CHUK: variants seen among roughly 807,000 people sequenced by gnomAD.
The protein encoded by CHUK is component of inhibitor of nuclear factor kappa B kinase complex.
In CHUK, 35 loss-of-function variants were observed where a neutral mutation model predicts 104.8. That is an observed-to-expected ratio of 0.33 (90% confidence interval 0.26 to 0.44). The LOEUF (loss-of-function observed/expected upper bound fraction) is 0.44, where lower values mean the gene tolerates loss of function less well. Among genes scored for constraint, CHUK ranks in the 20% least tolerant of loss-of-function variants. CHUK has a pLI of 1.00. For missense variants in CHUK, 663 were observed against 902.7 expected, an observed-to-expected ratio of 0.73 and a Z score of 3.40; for synonymous variants, 276 against 291.9, an observed-to-expected ratio of 0.95 and a Z score of 0.56.
intron 3 of CHUK, among the ~76,000 whole-genome samples, chr10:100,222,469 A>G (rs1846013449): frequency 6.6e-6 from 1 of 152,218 alleles, no homozygotes; most frequent in South Asian, 2.1e-4. Flanking sequence ...GGTAGAAAAA[A>G]AAGATTGCAA....
At chr10:100,186,333 G>T (rs542479246), downstream of CHUK, 4 of 319,338 alleles carry the variant, frequency 1.3e-5, no homozygotes, top group South Asian at 4.7e-4. Context: ...GTAGCTGTTC[G>T]GTTTATTTGT....
intron 16 of CHUK, among the ~76,000 whole-genome samples, chr10:100,197,672 A>G (rs1055471140): frequency 6.6e-6 from 1 of 152,156 alleles, no homozygotes; most frequent in African/African-American, 2.4e-5. Flanking sequence ...CTCCAGTCAT[A>G]CTGCATTTCC....
At chr10:100,199,273 C>CT (rs1258501086) in intron 16 of CHUK, among the ~76,000 whole-genome samples, 1 of 152,186 alleles carries the variant, frequency 6.6e-6, no homozygotes, top group African/African-American at 2.4e-5. Context: ...GGCCTTCCCT[C>CT]TAACCATTCC....
intron 9 of CHUK, among the ~76,000 whole-genome samples, chr10:100,210,717 C>T (rs972455124): frequency 6.6e-6 from 1 of 152,206 alleles, no homozygotes; most frequent in Non-Finnish European, 1.5e-5. Flanking sequence ...TGGTGAGTTA[C>T]CTTTTTATAA....
chr10:100,208,109 G>T (rs1242136414), intron 10 of CHUK, among the ~76,000 whole-genome samples: 5 of 151,986 alleles, frequency 3.3e-5, no homozygotes, highest in Admixed American at 6.6e-5. Context: ...AATACAAAAA[G>T]AAATTTTTTT....
intron 19 of CHUK, among the ~76,000 whole-genome samples, chr10:100,192,165 T>G (rs897481258): frequency 6.6e-6 from 1 of 152,238 alleles, no homozygotes; most frequent in African/African-American, 2.4e-5. Flanking sequence ...TGAAAATGTC[T>G]GTCAGATATA....
chr10:100,209,735 G>A lies in CHUK; in HGVS notation c.988C>T (p.Pro330Ser). ...TGTAGTGAATGAAGACTTTCATCAG[G>A]TGGTAACAGAAAAGAAATTATCTTT... is the stretch of plus-strand genomic sequence containing the variant. ...SAKIISFLLP[P>S]DESLHSLQSR... The change falls in exon 10 of 21, where the codon CCT becomes TCT. Residue 330 changes from proline (P) to serine (S), a missense_variant. Pro to Ser is a moderately conservative substitution (Grantham distance 74). Coordinates refer to ENST00000370397, the MANE Select transcript of CHUK (RefSeq NM_001278.5). The A allele has an allele frequency of 6.4e-7, 1 of 1,555,492 alleles. No homozygotes were observed. Among genetic ancestry groups the A allele is most frequent in the East Asian group, 2.2e-5 (1 of 44,572 alleles).
chr10:100,208,782 TAAAA>T (rs56149905), intron 10 of CHUK, among the ~76,000 whole-genome samples: 1 of 125,528 alleles, frequency 8.0e-6, no homozygotes, highest in South Asian at 2.5e-4. Context: ...CAAGACTGTC[TAAAA>T]AAAAAAAAAA....
intron 2 of CHUK, among the ~76,000 whole-genome samples, chr10:100,223,698 G>A (rs1011196671): frequency 1.3e-5 from 2 of 152,134 alleles, no homozygotes. Flanking sequence ...AGCTTTCCTG[G>A]TGATTCTGCC....
At chr10:100,203,515 TATTG>T (rs1248498713) in intron 13 of CHUK, among the ~76,000 whole-genome samples, 1 of 151,992 alleles carries the variant, frequency 6.6e-6, no homozygotes, top group Non-Finnish European at 1.5e-5. Flanking sequence ...AACTGGACAC[TATTG>T]ATTGTTTACT....
chr10:100,193,436 A>T lies in CHUK; in HGVS notation c.1975-5T>A, dbSNP rs1463726231. ...GGACCGGGCAGAACTCTGTGTCTGAAGGAAAAGAAAAAAACATCAAAAGAT... is the reference window on the plus strand; with the variant it reads ...GGACCGGGCAGAACTCTGTGTCTGATGGAAAAGAAAAAAACATCAAAAGAT... On this transcript the variant is annotated splice_region_variant and splice_polypyrimidine_tract_variant and intron_variant, in intron 18 of 20. Coordinates refer to ENST00000370397, the MANE Select transcript of CHUK (RefSeq NM_001278.5). 1 of 1,614,078 alleles carries T rather than the reference A, an allele frequency of 6.2e-7. No individual in the cohort carries two copies. Among genetic ancestry groups the T allele is most frequent in the South Asian group, 1.1e-5 (1 of 91,086 alleles).
At chr10:100,225,411 T>C (rs560438694) in intron 2 of CHUK, among the ~76,000 whole-genome samples, 2 of 152,366 alleles carry the variant, frequency 1.3e-5, no homozygotes, top group East Asian at 1.9e-4. Flanking sequence ...TCATCCATGC[T>C]GTGGCATGTG....
chr10:100,223,365 G>C (rs1846033196), intron 2 of CHUK, among the ~76,000 whole-genome samples: 2 of 152,178 alleles, frequency 1.3e-5, no homozygotes, highest in African/African-American at 4.8e-5. Flanking sequence ...GTTCTAGGCT[G>C]GGTGTAGTTG....
Position 100,209,740 on chromosome 10 carries a change from A to G in CHUK, c.983T>C (p.Leu328Ser). The change falls in exon 10 of 21, where the codon TTA (leucine) becomes TCA (serine). Residue 328 changes from leucine to serine, a missense_variant. Coordinates refer to ENST00000370397, the MANE Select transcript of CHUK (RefSeq NM_001278.5). ...TGAATGAAGACTTTCATCAGGTGGT[A>G]ACAGAAAAGAAATTATCTTTGCAGA... ...MTSAKIISFL[L>S]PPDESLHSLQ... 1.3e-6 allele frequency: 2 copies of G among 1,549,724 alleles called. No individual in the cohort carries two copies. The highest frequency in any genetic ancestry group is 1.8e-6 in the Non-Finnish European group (2 of 1,121,512).
chr10:100,197,740 G>A (rs1427771171), intron 16 of CHUK, among the ~76,000 whole-genome samples: 2 of 151,998 alleles, frequency 1.3e-5, no homozygotes, highest in Non-Finnish European at 2.9e-5. Context: ...ATATCTACGA[G>A]AGCCACCTCC....
At chr10:100,191,517 A>G (rs955640060) in intron 19 of CHUK, among the ~76,000 whole-genome samples, 2 of 152,192 alleles carry the variant, frequency 1.3e-5, no homozygotes, top group African/African-American at 4.8e-5. Context: ...CAGCAAAAGA[A>G]AACAGTGTGG....
At chr10:100,202,058 A>G (rs1564832929) in intron 14 of CHUK, 30 bp downstream of exon 14, 1 of 1,479,834 alleles carries the variant, frequency 6.8e-7, no homozygotes, top group Non-Finnish European at 9.4e-7. Flanking sequence ...AAGAATTAAT[A>G]AGTATACAGA....
chr10:100,219,725 T>C (rs12764370), intron 5 of CHUK, among the ~76,000 whole-genome samples: 4,415 of 152,182 alleles, frequency 0.029, 96 homozygotes, highest in Non-Finnish European at 0.044. Flanking sequence ...TCCATTAAAC[T>C]GGAAAGTAAA....
At chr10:100,215,214 CAAAA>C (rs913817319) in intron 9 of CHUK, among the ~76,000 whole-genome samples, 56 of 51,578 alleles carry the variant, frequency 1.1e-3, no homozygotes, top group Middle Eastern at 0.022. Context: ...GGCTCCATAT[CAAAA>C]AAAAAAAAAA....
Sources: allele counts gnomAD v4.1 joint callset (sites outside exome capture counted in the v4.1 genomes callset), GRCh38; gene constraint gnomAD v4.1.1; transcripts MANE v1.5; gene names NCBI Gene and HGNC (gene_info 2026-07-23, HGNC 2026-07-21).